Variants in ADIPOR2 observed in about 807,000 individuals in gnomAD.
ADIPOR2 encodes adiponectin receptor 2, also known as adiponectin receptor protein 2.
ADIPOR2 carries 18 observed loss-of-function variants against 40.9 expected under a neutral mutation model. That is an observed-to-expected ratio of 0.44 (90% confidence interval 0.30 to 0.65). The LOEUF (loss-of-function observed/expected upper bound fraction) is 0.65, where lower values mean the gene tolerates loss of function less well. ADIPOR2 is among the 30% of genes least tolerant of loss of function. ADIPOR2 has a pLI of 0.09. For synonymous variants in ADIPOR2, 165 were observed against 166.4 expected (o/e 0.99, Z 0.06); for missense variants, 283 against 479.2 (o/e 0.59, Z 3.82).
At chr12:1,736,151 A>G (rs2094730042) in intron 1 of ADIPOR2, among the ~76,000 whole-genome samples, 1 of 152,168 alleles carries the variant, frequency 6.6e-6, no homozygotes, top group East Asian at 1.9e-4. Flanking sequence ...ATTGATTGGA[A>G]TAGTTTCAGA....
intron 3 of ADIPOR2, among the ~76,000 whole-genome samples, chr12:1,776,718 C>G (rs1157257050): frequency 2.0e-5 from 3 of 152,102 alleles, no homozygotes; most frequent in African/African-American, 7.2e-5. Flanking sequence ...CTCTGAGGGA[C>G]TGAAAGGGTG....
chr12:1,765,251 T>G (rs7133749), intron 2 of ADIPOR2, among the ~76,000 whole-genome samples: 148,288 of 152,264 alleles, frequency 0.97, 72,331 homozygotes, highest in East Asian at 1. Flanking sequence ...TGATTTTAAA[T>G]TAGTTACACC....
chr12:1,745,625 C>A (rs73591746), intron 1 of ADIPOR2, among the ~76,000 whole-genome samples: 1 of 152,034 alleles, frequency 6.6e-6, no homozygotes, highest in African/African-American at 2.4e-5. Flanking sequence ...ATGAATTATC[C>A]TATTTATAAA....
chr12:1,736,076 C>T (rs1187533856), intron 1 of ADIPOR2, among the ~76,000 whole-genome samples: 1 of 152,168 alleles, frequency 6.6e-6, no homozygotes, highest in Non-Finnish European at 1.5e-5. Context: ...TTGTCTCTGC[C>T]AGGCTTTGGT....
intron 1 of ADIPOR2, among the ~76,000 whole-genome samples, chr12:1,692,236 A>G (rs1288652587): frequency 6.6e-6 from 1 of 152,140 alleles, no homozygotes; most frequent in Non-Finnish European, 1.5e-5. Flanking sequence ...ATCTACCCAT[A>G]GCATTATTTT....
intron 1 of ADIPOR2, among the ~76,000 whole-genome samples, chr12:1,705,692 G>C (rs770391915): frequency 1.7e-4 from 26 of 152,122 alleles, no homozygotes; most frequent in Non-Finnish European, 3.1e-4. Context: ...CATTATTATA[G>C]ATCTTGGGAA....
At chr12:1,704,590 GTATT>G (rs1453252475) in intron 1 of ADIPOR2, among the ~76,000 whole-genome samples, 1 of 152,182 alleles carries the variant, frequency 6.6e-6, no homozygotes, top group Non-Finnish European at 1.5e-5. Flanking sequence ...ATACTTAAAT[GTATT>G]TGGTCATCCA....
intron 1 of ADIPOR2, among the ~76,000 whole-genome samples, chr12:1,709,640 T>C (rs183789324): frequency 1.1e-4 from 17 of 152,278 alleles, no homozygotes; most frequent in Non-Finnish European, 2.2e-4. Flanking sequence ...ATATACGATA[T>C]TGGATATAAG....
intron 1 of ADIPOR2, among the ~76,000 whole-genome samples, chr12:1,750,740 T>C (rs1246890308): frequency 6.6e-6 from 1 of 152,170 alleles, no homozygotes; most frequent in South Asian, 2.1e-4. Context: ...TGACCAAATA[T>C]TGTGGGGTTT....
chr12:1,754,144 T>C lies in ADIPOR2; in HGVS notation c.-86-114T>C, dbSNP rs1862061828. ...TCAACAAATATAGCTTTTAAGTACA[T>C]TATTCTTTTATTATTGATTGCTGAG... On this transcript the variant is annotated intron_variant, in intron 1 of 7. Coordinates refer to ENST00000357103, the MANE Select transcript of ADIPOR2 (RefSeq NM_024551.3). 5 of 432,832 alleles carry C rather than the reference T, an allele frequency of 1.2e-5. No homozygotes were observed. In the East Asian group the frequency reaches 1.8e-4, roughly 16 times the overall value. 26.8% of individuals were successfully genotyped at this position (432,832 alleles called of 1,614,324 possible).
intron 1 of ADIPOR2, among the ~76,000 whole-genome samples, chr12:1,726,796 C>G (rs1056970213): frequency 6.6e-6 from 1 of 152,068 alleles, no homozygotes; most frequent in Non-Finnish European, 1.5e-5. Flanking sequence ...TTCCTAGTGC[C>G]AACTGAACAT....
chr12:1,738,757 G>T (rs1221584816), intron 1 of ADIPOR2, among the ~76,000 whole-genome samples: 1 of 152,140 alleles, frequency 6.6e-6, no homozygotes, highest in East Asian at 1.9e-4. Context: ...TTAAGAGACA[G>T]ATTTTTTGTG....
chr12:1,727,456 A>T (rs2094710127), intron 1 of ADIPOR2, among the ~76,000 whole-genome samples: 1 of 152,174 alleles, frequency 6.6e-6, no homozygotes, highest in Admixed American at 6.5e-5. Flanking sequence ...TCATTCACTC[A>T]TTGCATGTAT....
intron 1 of ADIPOR2, among the ~76,000 whole-genome samples, chr12:1,728,708 G>A (rs1459367755): frequency 2.0e-5 from 3 of 151,588 alleles, no homozygotes; most frequent in Non-Finnish European, 4.4e-5. Context: ...TGGGCGACAG[G>A]GCAAGACTCC....
At chr12:1,691,908 A>T (rs2094627928) in intron 1 of ADIPOR2, among the ~76,000 whole-genome samples, 1 of 152,140 alleles carries the variant, frequency 6.6e-6, no homozygotes, top group Non-Finnish European at 1.5e-5. Flanking sequence ...ACTTCATAAG[A>T]TGGTCCAAAA....
intron 2 of ADIPOR2, chr12:1,757,121 GAATTTCAGGCTAGCC>G (rs1028650896): frequency 8.1e-6 from 2 of 248,366 alleles, no homozygotes; most frequent in African/African-American, 4.6e-5. Context: ...AAGCTTGAAA[GAATTTCAGGCTAGCC>G]AATTTGAGAT....
intron 2 of ADIPOR2, among the ~76,000 whole-genome samples, chr12:1,754,746 A>G (rs542343320): frequency 2.7e-5 from 4 of 149,880 alleles, no homozygotes; most frequent in South Asian, 2.1e-4. Flanking sequence ...TACTACTACT[A>G]CTATTGAGAC....
chr12:1,708,454 G>A (rs1200272087), intron 1 of ADIPOR2, among the ~76,000 whole-genome samples: 1 of 152,106 alleles, frequency 6.6e-6, no homozygotes, highest in Non-Finnish European at 1.5e-5. Context: ...GCTACACCAA[G>A]GTTGTAAAGA....
chr12:1,705,081 G>A (rs553337394), intron 1 of ADIPOR2, among the ~76,000 whole-genome samples: 36 of 152,230 alleles, frequency 2.4e-4, no homozygotes, highest in Admixed American at 4.6e-4. Flanking sequence ...ATAGAGCCCC[G>A]AATGATTGTT....
Sources: gnomAD v4.1 joint callset for allele counts (sites outside exome capture counted in the v4.1 genomes callset) on GRCh38, gnomAD v4.1.1 for gene constraint, MANE v1.5 for transcripts, NCBI Gene and HGNC (gene_info 2026-07-23, HGNC 2026-07-21) for gene names.